Variants in CDH24 observed in about 807,000 individuals in gnomAD.
CDH24 encodes the protein cadherin 24, also known as cadherin-24.
In CDH24, 61 loss-of-function variants were observed where a neutral mutation model predicts 71.2. The observed-to-expected ratio is 0.86, with a 90% CI of 0.70 to 1.06. The LOEUF (loss-of-function observed/expected upper bound fraction) is 1.06. CDH24 is among the 50% of genes least tolerant of loss of function. The pLI is 0.00. For missense variants in CDH24, 961 were observed against 1,083.7 expected (o/e 0.89, Z 1.59); for synonymous variants, 440 against 470.2 (o/e 0.94, Z 0.83).
chr14:23,055,226 TC>T lies in CDH24; in HGVS notation c.328del (p.Glu110ArgfsTer60). 6.2e-7 allele frequency: 1 copy of T among 1,614,152 alleles called. No homozygotes were observed. The highest frequency in any genetic ancestry group is 1.1e-5 in the South Asian group (1 of 91,080). ...CAGTAGCACATATTGCGCCTTTTCC[TC>T]CCGGTCAAGGCTCTTGGTAACATGA... ...NIHVTKSLDR[E>X]EKAQYVLLAQ... is the part of the protein sequence containing the mutation. On this transcript the variant is annotated frameshift_variant, in exon 3 of 13. Transcript: ENST00000487137. LOFTEE classifies it high-confidence loss of function. The surrounding 1 kb of genome is among the most constrained non-coding windows in gnomAD (Gnocchi z 4.1).
At position 23,052,498 on chromosome 14, in the gene CDH24, G is replaced by A; in HGVS notation, c.1338C>T (p.Asn446=). 1 of 1,614,002 alleles carries A rather than the reference G, an allele frequency of 6.2e-7. No homozygotes were observed. Among genetic ancestry groups the A allele is most frequent in the Non-Finnish European group, 8.5e-7 (1 of 1,180,020 alleles). Reference sequence around the variant, plus strand: ...CGAGCTCTGTAGCCAGCACAGTGAGGTTGTGCCAGGCGCGAGCCTCGCGAT... The same window carrying A: ...CGAGCTCTGTAGCCAGCACAGTGAGATTGTGCCAGGCGCGAGCCTCGCGAT... ...PLDREARAWH[N]LTVLATELDS... Residue 446 remains asparagine (N), a synonymous_variant, in exon 8 of 13, where the codon AAC becomes AAT. Transcript: ENST00000487137.
chr14:23,049,832 G>C lies in CDH24; in HGVS notation c.1475C>G (p.Ala492Gly). 1 of 1,614,042 alleles carries C rather than the reference G, an allele frequency of 6.2e-7. No homozygotes were observed. Among genetic ancestry groups the C allele is most frequent in the Non-Finnish European group, 8.5e-7 (1 of 1,179,980 alleles). The change falls in exon 9 of 13, where the codon GCT (alanine) becomes GGT (glycine). Residue 492 changes from alanine to glycine, a missense_variant. Coordinates refer to ENST00000487137, the MANE Select transcript of CDH24 (RefSeq NM_144985.4). ...PYDTFVCDSA[A>G]PGQLIQVIRA... is the part of the protein sequence containing the mutation. ...GCCTCAGTTGCTCACCTGGCCAGGAGCTGCAGAGTCACACACAAAAGTATC... is the reference window on the plus strand; with the variant it reads ...GCCTCAGTTGCTCACCTGGCCAGGACCTGCAGAGTCACACACAAAAGTATC...
intron 11 of CDH24, 63 bp downstream of exon 11, chr14:23,048,964 G>C (rs1200326876): frequency 6.4e-7 from 1 of 1,557,428 alleles, no homozygotes; most frequent in Non-Finnish European, 8.7e-7. Context: ...CAGAGGCCTG[G>C]TTCTTCTCCA....
rs1202605630 is a variant in CDH24 at position 23,049,262 on chromosome 14, G to T, written c.1611C>A (p.Ser537Arg). The change falls in exon 11 of 13, where the codon AGC (serine) becomes AGA (arginine). Residue 537 changes from serine (S) to arginine (R), a missense_variant. By Grantham distance (110) the Ser-to-Arg change is moderately radical. Around this residue, in one of 2 missense-constraint regions of CDH24, gnomAD observed 671 missense variants for 810.9 expected, o/e 0.83. Coordinates refer to ENST00000487137, the MANE Select transcript of CDH24 (RefSeq NM_144985.4). Reference protein sequence around the residue: ...TVQDNRDGSASLLLPSRPAPP... With the variant: ...TVQDNRDGSARLLLPSRPAPP... ...GAGCAGGGCGGGAGGGCAGCAGCAG[G>T]CTGGCGGAGCCATCTGTGGGAGAGG... 1 of 1,573,318 alleles carries T rather than the reference G, an allele frequency of 6.4e-7. No individual in the cohort carries two copies. Among genetic ancestry groups the T allele is most frequent in the Non-Finnish European group, 8.6e-7 (1 of 1,159,012 alleles).
At chr14:23,048,772 C>T (rs1204010945) in intron 11 of CDH24, among the ~76,000 whole-genome samples, 1 of 152,234 alleles carries the variant, frequency 6.6e-6, no homozygotes, top group Non-Finnish European at 1.5e-5. Context: ...TCACAAGTGA[C>T]GTGCCCAGCA....
chr14:23,048,177 G>C lies in CDH24; in HGVS notation c.2149C>G (p.Pro717Ala), dbSNP rs199930802. Residue 717 changes from proline to alanine, a missense_variant, in exon 12 of 13, where the codon CCC becomes GCC. By Grantham distance (27) the Pro-to-Ala change is conservative. Transcript: ENST00000487137. The stretch of plus-strand genomic sequence containing the variant: ...ACCGAGTCGTACGGGGGTACGCCGG[G>C]GTCCTCGTCCGCCTCGCGGAGCCGC... ...ALRLREADED[P>A]GVPPYDSVQV... is the part of the protein sequence containing the mutation. The C allele has an allele frequency of 2.2e-6, 3 of 1,348,586 alleles. No homozygotes were observed. The highest frequency in any genetic ancestry group is 2.9e-6 in the Non-Finnish European group (3 of 1,046,500). The allele number at this position is 1,348,586 out of a possible 1,614,324, so 83.5% of individuals were successfully genotyped here. A position where few individuals can be genotyped will look rare whatever the true frequency, so the allele number is the denominator to read the frequency against.
rs2047050878 is a variant in CDH24 at position 23,047,725 on chromosome 14, G to A, written c.*255C>T. 3.0e-6 allele frequency: 1 copy of A among 330,906 alleles called. No individual in the cohort carries two copies. The highest frequency in any genetic ancestry group is 1.4e-4 in the South Asian group (1 of 7,328). The allele number at this position is 330,906 out of a possible 1,614,324, so 20.5% of individuals were successfully genotyped here. A position where few individuals can be genotyped will look rare whatever the true frequency, so the allele number is the denominator to read the frequency against. On this transcript the variant is annotated 3_prime_UTR_variant, in exon 12 of 13. Coordinates refer to ENST00000487137, the MANE Select transcript of CDH24 (RefSeq NM_144985.4). Reference sequence around the variant, plus strand: ...GTGAGAGATCGCAGGGCCAGGGCCAGGGCAGGAAACCCAGGCCCGGACAGA... The same window carrying A: ...GTGAGAGATCGCAGGGCCAGGGCCAAGGCAGGAAACCCAGGCCCGGACAGA...
rs757640126 is a variant in CDH24 at position 23,048,309 on chromosome 14, G to A, written c.2017C>T (p.Pro673Ser). ...CGCGCGGGAGGGCCGGGCGCCGGGG[G>A]GGCCGCCCCGTCCGGGTTCTGCAAG... Reference protein sequence around the residue: ...TALQNPDGAAPPAPGPPARRD... With the variant: ...TALQNPDGAASPAPGPPARRD... Residue 673 changes from proline to serine, a missense_variant, in exon 12 of 13, where the codon CCC becomes TCC. By Grantham distance (74) the Pro-to-Ser change is moderately conservative. This residue lies in a region of CDH24 where 290 missense variants were observed against 272.8 expected (regional missense o/e 1.06). Coordinates refer to ENST00000487137, the MANE Select transcript of CDH24 (RefSeq NM_144985.4). 2.5e-6 allele frequency: 4 copies of A among 1,605,638 alleles called. No homozygotes were observed. Among genetic ancestry groups the A allele is most frequent in the African/African-American group, 2.7e-5 (2 of 74,420 alleles).
At chr14:23,052,175 G>T in intron 8 of CDH24, 1 of 798,798 alleles carries the variant, frequency 1.3e-6, no homozygotes, top group South Asian at 1.5e-5. Context: ...GGCAAGTCAG[G>T]TAAGGGAATG....
chr14:23,048,098 A>G lies in CDH24; in HGVS notation c.2228T>C (p.Leu743Pro). 7.1e-7 allele frequency: 1 copy of G among 1,407,214 alleles called. No homozygotes were observed. The highest frequency in any genetic ancestry group is 1.5e-5 in the African/African-American group (1 of 65,212). The allele number at this position is 1,407,214 out of a possible 1,614,324, so 87.2% of individuals were successfully genotyped here. A position where few individuals can be genotyped will look rare whatever the true frequency, so the allele number is the denominator to read the frequency against. ...GCCGCCGGCTTCGCTGCCGGAGCCC[A>G]GGGAGCTGAGGGAGCCGCAAGAGGA... ...RGSSCGSLSS[L>P]GSGSEAGGAP... Residue 743 changes from leucine (L) to proline (P), a missense_variant, in exon 12 of 13, where the codon CTG becomes CCG. Leu to Pro is a moderately conservative substitution (Grantham distance 98, BLOSUM62 -3). Transcript: ENST00000487137.
intron 8 of CDH24, chr14:23,050,214 A>G: frequency 2.7e-6 from 1 of 366,458 alleles, no homozygotes; most frequent in Non-Finnish European, 5.0e-6. Flanking sequence ...CATATACAAT[A>G]ACCCACATGC....
rs1318605296 is a variant in CDH24 at position 23,055,332 on chromosome 14, C to CG, written c.222_223insC (p.Gly75ArgfsTer21). On this transcript the variant is annotated frameshift_variant, in exon 3 of 13. Transcript: ENST00000487137. LOFTEE classifies it high-confidence loss of function. This position sits in a 1 kb window ranked among gnomAD's most constrained non-coding sequence, Gnocchi z 4.1. ...AACAGGTACTTGGTGCGGCCCTCTC[C>CG]CCGGTCAACATCCGAGTGCAGCTGC... 1 of 1,607,506 alleles carries CG rather than the reference C, an allele frequency of 6.2e-7. No individual in the cohort carries two copies. The highest frequency in any genetic ancestry group is 8.5e-7 in the Non-Finnish European group (1 of 1,174,492).
intron 8 of CDH24, 133 bp from the exon 9 acceptor site, chr14:23,050,076 A>T: frequency 8.1e-7 from 1 of 1,236,982 alleles, no homozygotes; most frequent in African/African-American, 1.5e-5. Context: ...TATGCATGTA[A>T]TGTACAGGTA....
In CDH24 at chr14:23,054,641, G is replaced by A. The variant is rs374147531; in HGVS notation, c.649C>T (p.Arg217Trp). 10 of 1,613,888 alleles carry A rather than the reference G, an allele frequency of 6.2e-6. No homozygotes were observed. Among genetic ancestry groups the A allele is most frequent in the Non-Finnish European group, 8.5e-6 (10 of 1,180,008 alleles). Residue 217 changes from arginine to tryptophan, a missense_variant, in exon 5 of 13, where the codon CGG (arginine) becomes TGG (tryptophan). Arg to Trp is a moderately radical substitution (Grantham distance 101). Transcript: ENST00000487137. The surrounding 1 kb of genome is among the most constrained non-coding windows in gnomAD (Gnocchi z 5.2). The stretch of plus-strand genomic sequence containing the variant: ...ACCAAGAACTCCTCCTGTGTCTCCC[G>A]GTCCATGTTGGGGATGGCTGTACGC... ...VVRTAIPNMDRETQEEFLVVI... is the reference protein window; with the variant it reads ...VVRTAIPNMDWETQEEFLVVI...
In CDH24 at chr14:23,055,433, G is replaced by T; in HGVS notation, c.202-80C>A. 6.3e-7 allele frequency: 1 copy of T among 1,584,412 alleles called. No individual in the cohort carries two copies. The highest frequency in any genetic ancestry group is 1.7e-5 in the Admixed American group (1 of 58,592). On this transcript the variant is annotated intron_variant, in intron 2 of 12. Coordinates refer to ENST00000487137, the MANE Select transcript of CDH24 (RefSeq NM_144985.4). This position sits in a 1 kb window ranked among gnomAD's most constrained non-coding sequence, Gnocchi z 4.1. ...AGAGTCTAGGTTTGGGTAGAGCGTT[G>T]GGAGTCCTGAGGGACCAAGGTCATT...
intron 1 of CDH24, among the ~76,000 whole-genome samples, chr14:23,056,638 T>G (rs2047132588): frequency 6.6e-6 from 1 of 150,626 alleles, no homozygotes; most frequent in Non-Finnish European, 1.5e-5. Flanking sequence ...CAGAGAGGAG[T>G]CCTAGGGGCC....
Position 23,055,231 on chromosome 14 carries a change from G to T in CDH24, c.324C>A (p.Asp108Glu), listed in dbSNP as rs761395584. Reference sequence around the variant, plus strand: ...GCACATATTGCGCCTTTTCCTCCCGGTCAAGGCTCTTGGTAACATGAATAT... The same window carrying T: ...GCACATATTGCGCCTTTTCCTCCCGTTCAAGGCTCTTGGTAACATGAATAT... ...TGNIHVTKSLDREEKAQYVLL... is the reference protein window; with the variant it reads ...TGNIHVTKSLEREEKAQYVLL... The change falls in exon 3 of 13, where the codon GAC becomes GAA. Residue 108 changes from aspartate (D) to glutamate (E), a missense_variant. By Grantham distance (45) the Asp-to-Glu change is conservative (BLOSUM62 2). Coordinates refer to ENST00000487137, the MANE Select transcript of CDH24 (RefSeq NM_144985.4). The surrounding 1 kb of genome is among the most constrained non-coding windows in gnomAD (Gnocchi z 4.1). The T allele has an allele frequency of 3.1e-6, 5 of 1,614,192 alleles. No homozygotes were observed. The highest frequency in any genetic ancestry group is 4.2e-6 in the Non-Finnish European group (5 of 1,180,020).
In CDH24 at chr14:23,050,197, T is replaced by C. The variant is rs1285126863; in HGVS notation, c.1364-254A>G. The C allele has an allele frequency of 8.1e-5, 35 of 430,474 alleles. 1 individual carries two copies. In the South Asian group the frequency reaches 8.3e-4, roughly 10 times the overall value. The allele number at this position is 430,474 out of a possible 1,614,324, so 26.7% of individuals were successfully genotyped here. On this transcript the variant is annotated intron_variant, in intron 8 of 12. Coordinates refer to ENST00000487137, the MANE Select transcript of CDH24 (RefSeq NM_144985.4). ...ACATTCAACAGGAATGCCGCACCCA[T>C]GATACACATATACAATAACCCACAT... is the stretch of plus-strand genomic sequence containing the variant.
chr14:23,047,391 G>A lies in CDH24; in HGVS notation c.*520-17C>T, dbSNP rs2047048753. On this transcript the variant is annotated splice_polypyrimidine_tract_variant and intron_variant, in intron 12 of 12. Coordinates refer to ENST00000487137, the MANE Select transcript of CDH24 (RefSeq NM_144985.4). ...CAGGCAGGTCTGTAAGGACAGGGGA[G>A]CCACGTTAGAGGCAGTGGGGAGTGG... The A allele has an allele frequency of 6.5e-6, 1 of 152,712 alleles. No individual in the cohort carries two copies. The highest frequency in any genetic ancestry group is 1.5e-5 in the Non-Finnish European group (1 of 68,406). The allele number at this position is 152,712 out of a possible 1,614,324, so 9.5% of individuals were successfully genotyped here.
Sources: gnomAD v4.1 joint callset for allele counts (sites outside exome capture counted in the v4.1 genomes callset) on GRCh38, gnomAD v4.1.1 for gene constraint, gnomAD v4.1.1 regional missense constraint, Gnocchi (gnomAD v3.1) non-coding constraint, MANE v1.5 for transcripts, NCBI Gene and HGNC (gene_info 2026-07-23, HGNC 2026-07-21) for gene names.